FAAH2: variants seen among roughly 807,000 people sequenced by gnomAD.
The protein encoded by FAAH2 is fatty-acid amide hydrolase 2.
Under a neutral mutation model 36.9 loss-of-function variants are expected in FAAH2, and 60 were observed. The ratio of observed to expected loss-of-function variants is 1.63; its 90% CI spans 1.32 to 2.02. The LOEUF is 2.02. Ranked by LOEUF, FAAH2 falls within the 30% of genes most tolerant of loss-of-function variation. The pLI is 0.00. For missense variants in FAAH2, 689 were observed against 397.5 expected, an observed-to-expected ratio of 1.73 and a Z score of -6.23; for synonymous variants, 214 against 143.8, an observed-to-expected ratio of 1.49 and a Z score of -3.49.
At chrX:57,148,668 A>G in the FAAH2 span, among the ~76,000 whole-genome samples, 5 of 111,723 alleles carry the variant, frequency 4.5e-5, no homozygotes, top group Admixed American at 9.5e-5. Context: ...GGGCTGAGAC[A>G]ATGGGATTTT....
chrX:57,310,895 G>C (rs1332882990), intron 3 of FAAH2, among the ~76,000 whole-genome samples, 166 bp downstream of exon 3: 3 of 112,142 alleles, frequency 2.7e-5, no homozygotes, highest in African/African-American at 9.7e-5. Context: ...GAAAATAAAT[G>C]ATAATGGTCA....
intron 10 of FAAH2, among the ~76,000 whole-genome samples, chrX:57,457,302 AAAT>A (rs2056879003): frequency 9.0e-6 from 1 of 111,487 alleles, no homozygotes; most frequent in Admixed American, 9.6e-5. Context: ...GCATACCTAA[AAAT>A]AGTAAAAGCC....
chrX:57,345,176 TCCCTTCCCTTCCCTCCTCTCCCCTC>T (rs2053788902), intron 5 of FAAH2, among the ~76,000 whole-genome samples: 1 of 107,101 alleles, frequency 9.3e-6, no homozygotes, highest in Admixed American at 1.0e-4. Context: ...TTTTCTCCCT[TCCCTTCCCTTCCCTCCTCTCCCCTC>T]CCCTTCCCTT....
chrX:57,192,306 G>A, the FAAH2 span, among the ~76,000 whole-genome samples: 1 of 111,407 alleles, frequency 9.0e-6, no homozygotes, highest in East Asian at 2.8e-4. Flanking sequence ...TGTAGATTTT[G>A]TATCCTGCAA....
intron 10 of FAAH2, among the ~76,000 whole-genome samples, chrX:57,477,392 G>C (rs913147116): frequency 4.5e-5 from 5 of 110,652 alleles, no homozygotes; most frequent in Non-Finnish European, 7.6e-5. Flanking sequence ...TTACTTAGTA[G>C]AAAAAAATCT....
the FAAH2 span, among the ~76,000 whole-genome samples, chrX:57,189,985 T>C: frequency 8.9e-6 from 1 of 112,221 alleles, no homozygotes; most frequent in Non-Finnish European, 1.9e-5. Flanking sequence ...AGTTTAAGTC[T>C]GCTGAAGCCG....
intron 2 of FAAH2, among the ~76,000 whole-genome samples, chrX:57,310,080 C>T (rs1234486951): frequency 8.9e-6 from 1 of 112,008 alleles, no homozygotes; most frequent in African/African-American, 3.2e-5. Context: ...TCTGTAGCCT[C>T]GGCAGCATCT....
the FAAH2 span, among the ~76,000 whole-genome samples, chrX:57,260,325 A>G: frequency 8.9e-6 from 1 of 111,854 alleles, no homozygotes; most frequent in Non-Finnish European, 1.9e-5. Context: ...AGACAATTTA[A>G]TTTAAATGGT....
At chrX:57,455,009 C>A (rs1030009427) in intron 10 of FAAH2, among the ~76,000 whole-genome samples, 2 of 111,233 alleles carry the variant, frequency 1.8e-5, no homozygotes, top group African/African-American at 6.5e-5. Flanking sequence ...TCAGATTCAC[C>A]AAGATCAACT....
At chrX:57,323,997 C>T (rs2053126263) in intron 3 of FAAH2, among the ~76,000 whole-genome samples, 1 of 111,245 alleles carries the variant, frequency 9.0e-6, no homozygotes, top group Non-Finnish European at 1.9e-5. Context: ...GTCTTTAATC[C>T]ATCTTGAATT....
intron 8 of FAAH2, among the ~76,000 whole-genome samples, chrX:57,442,476 A>G (rs1236893759): frequency 4.5e-5 from 5 of 110,834 alleles, no homozygotes; most frequent in African/African-American, 1.6e-4. Flanking sequence ...ATCTTCCTCC[A>G]TCCCTTTATT....
the FAAH2 span, among the ~76,000 whole-genome samples, chrX:57,157,454 T>A: frequency 6.3e-5 from 7 of 111,580 alleles, no homozygotes; most frequent in Non-Finnish European, 1.3e-4. Flanking sequence ...GCTCCCTCCA[T>A]GGGCACCAGT....
intron 5 of FAAH2, among the ~76,000 whole-genome samples, chrX:57,359,890 G>A (rs771901887): frequency 9.1e-6 from 1 of 110,470 alleles, no homozygotes; most frequent in Non-Finnish European, 1.9e-5. Flanking sequence ...CTCAGTTTAT[G>A]TTTATCTTGG....
At chrX:57,448,842 T>G (rs1236859105) in intron 10 of FAAH2, 124 bp downstream of exon 10, 1 of 662,625 alleles carries the variant, frequency 1.5e-6, no homozygotes, top group Non-Finnish European at 2.3e-6. Flanking sequence ...AAGTGCTGTG[T>G]GATTGAAAAC....
chrX:57,329,895 T>C (rs1468640703), intron 3 of FAAH2, among the ~76,000 whole-genome samples: 1 of 112,101 alleles, frequency 8.9e-6, no homozygotes, highest in Non-Finnish European at 1.9e-5. Flanking sequence ...AGATAAATTG[T>C]GAAGATTTCA....
At chrX:57,151,173 T>C in the FAAH2 span, among the ~76,000 whole-genome samples, 1 of 112,380 alleles carries the variant, frequency 8.9e-6, no homozygotes, top group South Asian at 3.7e-4. Context: ...ACCCGACTTT[T>C]CTGTCTGGCT....
At chrX:57,481,061 G>A (rs1421088428) in intron 10 of FAAH2, among the ~76,000 whole-genome samples, 1 of 108,642 alleles carries the variant, frequency 9.2e-6, no homozygotes, top group Non-Finnish European at 1.9e-5. Flanking sequence ...TATGCTTCAC[G>A]AAGTTCTCAT....
At chrX:57,312,784 A>G (rs757656551) in intron 3 of FAAH2, among the ~76,000 whole-genome samples, 1 of 111,908 alleles carries the variant, frequency 8.9e-6, no homozygotes, top group Non-Finnish European at 1.9e-5. Context: ...ATCCTCAAAT[A>G]TTAGAATAAA....
chrX:57,299,540 T>C (rs1198472697), intron 2 of FAAH2, among the ~76,000 whole-genome samples: 2 of 111,695 alleles, frequency 1.8e-5, no homozygotes, highest in African/African-American at 6.5e-5. Flanking sequence ...CTTTGAAAAC[T>C]GGCACAAGAC....
Sources: allele counts gnomAD v4.1 joint callset (sites outside exome capture counted in the v4.1 genomes callset), GRCh38; gene constraint gnomAD v4.1.1; transcripts MANE v1.5; gene names NCBI Gene and HGNC (gene_info 2026-07-23, HGNC 2026-07-21).